The following CNTN5 variants were observed in gnomAD, a reference collection of about 807,000 sequenced individuals.
CNTN5 encodes contactin 5.
In CNTN5, 77 loss-of-function variants were observed where a neutral mutation model predicts 129.1. The ratio of observed to expected loss-of-function variants is 0.60; its 90% CI spans 0.50 to 0.72. The LOEUF (loss-of-function observed/expected upper bound fraction) is 0.72, where lower values mean the gene tolerates loss of function less well. CNTN5 is among the 30% of genes least tolerant of loss of function. The pLI, the probability that CNTN5 is intolerant of heterozygous loss-of-function variation, is 0.00. For synonymous variants in CNTN5, 509 were observed against 465.6 expected (o/e 1.09, Z -1.20); for missense variants, 1,478 against 1,328.8 (o/e 1.11, Z -1.75).
intron 13 of CNTN5, among the ~76,000 whole-genome samples, chr11:100,125,981 C>T (rs992421156): frequency 6.6e-6 from 1 of 151,976 alleles, no homozygotes; most frequent in African/African-American, 2.4e-5. Context: ...TTCTGCATCC[C>T]AGAAATTTTT....
chr11:99,735,302 CTTGAGT>C (rs1232112988), intron 3 of CNTN5, among the ~76,000 whole-genome samples: 8 of 152,148 alleles, frequency 5.3e-5, no homozygotes, highest in African/African-American at 1.9e-4. Flanking sequence ...CTCCAGTTGT[CTTGAGT>C]TTAACTCCTC....
At chr11:99,722,014 C>A (rs1943189211) in intron 3 of CNTN5, among the ~76,000 whole-genome samples, 1 of 152,112 alleles carries the variant, frequency 6.6e-6, no homozygotes, top group South Asian at 2.1e-4. Flanking sequence ...GAAAAGGGGA[C>A]ACTTGTACAC....
intron 1 of CNTN5, among the ~76,000 whole-genome samples, chr11:99,247,296 G>A (rs945071742): frequency 2.0e-5 from 3 of 151,750 alleles, no homozygotes; most frequent in Non-Finnish European, 4.4e-5. Context: ...GAATTTCTTC[G>A]TATGTAAAAC....
intron 1 of CNTN5, among the ~76,000 whole-genome samples, chr11:99,048,968 A>T (rs1864319146): frequency 6.6e-6 from 1 of 152,190 alleles, no homozygotes; most frequent in Non-Finnish European, 1.5e-5. Context: ...ATAAACTTAT[A>T]GTTAATTTAA....
intron 2 of CNTN5, among the ~76,000 whole-genome samples, chr11:99,346,314 A>G (rs1937860754): frequency 6.6e-6 from 1 of 152,244 alleles, no homozygotes; most frequent in Non-Finnish European, 1.5e-5. Flanking sequence ...TAATGCAAAA[A>G]TTGTGAACTA....
chr11:99,200,435 C>T (rs547766096), intron 1 of CNTN5, among the ~76,000 whole-genome samples: 1 of 152,256 alleles, frequency 6.6e-6, no homozygotes, highest in South Asian at 2.1e-4. Flanking sequence ...GAATTTTCAG[C>T]TTTAATTGCA....
At chr11:99,362,563 T>C (rs1939185379) in intron 2 of CNTN5, among the ~76,000 whole-genome samples, 1 of 151,982 alleles carries the variant, frequency 6.6e-6, no homozygotes, top group Non-Finnish European at 1.5e-5. Context: ...AAACCCAAGG[T>C]TATGAAGATA....
At chr11:99,964,619 C>CT (rs374327970) in intron 8 of CNTN5, among the ~76,000 whole-genome samples, 10,806 of 151,814 alleles carry the variant, frequency 0.071, 787 homozygotes, top group East Asian at 0.31. Flanking sequence ...CTAAAATTCT[C>CT]TTTTTTTTGT....
chr11:99,651,228 CACAA>C (rs55967019), intron 3 of CNTN5, among the ~76,000 whole-genome samples: 92,246 of 151,110 alleles, frequency 0.61, 29,048 homozygotes, highest in Admixed American at 0.69. Flanking sequence ...ACAGAAATCC[CACAA>C]ACAATCATCA....
rs1050370236 is a variant in CNTN5, at chr11:100,102,234, A to ATT, written c.1580+27950_1580+27951dup. On this transcript the variant is annotated intron_variant, in intron 13 of 24. Coordinates refer to ENST00000524871, the MANE Select transcript of CNTN5 (RefSeq NM_014361.4). ...TTTTGCCACACCCACACTAACGTCTATTTTTTTTTTTAATTGTGGCTTTTC... is the reference window on the plus strand; with the variant it reads ...TTTTGCCACACCCACACTAACGTCTATTTTTTTTTTTTTAATTGTGGCTTTTC... Among the ~76,000 whole-genome samples the ATT allele has an allele frequency of 3.1e-4, 45 of 142,922 alleles. 1 individual carries two copies. The highest frequency in any genetic ancestry group is 1.1e-3 in the African/African-American group (43 of 39,304). The allele number at this position is 142,922 out of a possible 152,430, so 93.8% of individuals were successfully genotyped here. A position where few individuals can be genotyped will look rare whatever the true frequency, so the allele number is the denominator to read the frequency against.
At chr11:99,430,547 A>G (rs965267293) in intron 2 of CNTN5, among the ~76,000 whole-genome samples, 7 of 150,636 alleles carry the variant, frequency 4.6e-5, no homozygotes, top group Non-Finnish European at 1.0e-4. Flanking sequence ...ACCACCTTTT[A>G]ATTAAGCTGA....
chr11:99,776,123 A>G (rs191468166), intron 3 of CNTN5, among the ~76,000 whole-genome samples: 1 of 151,920 alleles, frequency 6.6e-6, no homozygotes, highest in Non-Finnish European at 1.5e-5. Flanking sequence ...TATTGAGTAA[A>G]CACTCTGTGC....
At chr11:99,955,756 G>C (rs1950785739) in intron 7 of CNTN5, among the ~76,000 whole-genome samples, 1 of 151,928 alleles carries the variant, frequency 6.6e-6, no homozygotes, top group African/African-American at 2.4e-5. Context: ...AGTAGAGACG[G>C]GGTTTCACCA....
intron 1 of CNTN5, among the ~76,000 whole-genome samples, chr11:99,238,474 A>G (rs953270596): frequency 6.6e-6 from 1 of 152,192 alleles, no homozygotes; most frequent in Non-Finnish European, 1.5e-5. Flanking sequence ...AGGAACTCTC[A>G]TATAGTTGTA....
At chr11:99,902,154 G>T (rs1949374303) in intron 6 of CNTN5, among the ~76,000 whole-genome samples, 2 of 151,642 alleles carry the variant, frequency 1.3e-5, no homozygotes, top group Non-Finnish European at 2.9e-5. Context: ...AATAGTAGAA[G>T]ATTAGTAACC....
intron 4 of CNTN5, among the ~76,000 whole-genome samples, chr11:99,842,993 G>A (rs542746530): frequency 8.7e-4 from 132 of 152,342 alleles, no homozygotes; most frequent in Middle Eastern, 6.8e-3. Context: ...CACTTTGGGA[G>A]GCCTAGGCGG....
At chr11:99,974,769 C>G (rs1396964635) in intron 8 of CNTN5, among the ~76,000 whole-genome samples, 2 of 152,074 alleles carry the variant, frequency 1.3e-5, no homozygotes, top group African/African-American at 4.8e-5. Flanking sequence ...GACTAATTTT[C>G]TTAATAATTA....
intron 16 of CNTN5, among the ~76,000 whole-genome samples, chr11:100,236,970 A>G (rs1949628112): frequency 6.6e-6 from 1 of 152,140 alleles, no homozygotes; most frequent in Non-Finnish European, 1.5e-5. Flanking sequence ...CGGGTGGATC[A>G]CGAGGTCAGA....
At chr11:99,680,363 G>A (rs1198871785) in intron 3 of CNTN5, among the ~76,000 whole-genome samples, 4 of 152,098 alleles carry the variant, frequency 2.6e-5, no homozygotes, top group Non-Finnish European at 4.4e-5. Context: ...CCTGATGATT[G>A]TAAATTGAAG....
Sources: allele counts gnomAD v4.1 joint callset (sites outside exome capture counted in the v4.1 genomes callset), GRCh38; gene constraint gnomAD v4.1.1; transcripts MANE v1.5; gene names NCBI Gene and HGNC (gene_info 2026-07-23, HGNC 2026-07-21).